NEGR1: variants seen among roughly 807,000 people sequenced by gnomAD.
NEGR1 encodes neuronal growth regulator 1.
In NEGR1, 10 loss-of-function variants were observed where a neutral mutation model predicts 40.9. The ratio of observed to expected loss-of-function variants is 0.24; its 90% CI spans 0.15 to 0.42. The LOEUF (loss-of-function observed/expected upper bound fraction) is 0.42. Among genes scored for constraint, NEGR1 ranks in the 10% least tolerant of loss-of-function variants. The probability of loss-of-function intolerance (pLI) is 1.00; values close to 1 mark genes in which losing one functional copy is unlikely to be tolerated. For missense variants in NEGR1, 352 were observed against 438.9 expected (o/e 0.80, Z 1.77); for synonymous variants, 185 against 166.8 (o/e 1.11, Z -0.84).
intron 1 of NEGR1, among the ~76,000 whole-genome samples, chr1:72,149,879 C>CAA (rs1180110033): frequency 0.18 from 7,247 of 39,182 alleles, 465 homozygotes; most frequent in Non-Finnish European, 0.27. Context: ...AAAACTCTGT[C>CAA]AAAAAAAAAA....
chr1:71,760,075 C>T (rs1223171337), intron 3 of NEGR1, among the ~76,000 whole-genome samples: 2 of 152,102 alleles, frequency 1.3e-5, no homozygotes, highest in Non-Finnish European at 2.9e-5. Flanking sequence ...ATCTGCTCCC[C>T]AGATTCAGTG....
intron 6 of NEGR1, among the ~76,000 whole-genome samples, chr1:71,485,276 G>A (rs1423305075): frequency 6.6e-6 from 1 of 150,946 alleles, no homozygotes; most frequent in African/African-American, 2.4e-5. Context: ...TTCAAAAATA[G>A]ACTTTACTTT....
rs984674983 is a variant in NEGR1 at position 71,396,654 on chromosome 1, C to G, written c.*10792G>C. On this transcript the variant is annotated 3_prime_UTR_variant, in exon 7 of 7. Coordinates refer to ENST00000357731, the MANE Select transcript of NEGR1 (RefSeq NM_173808.3). ...ATTGAACCATGGGGGCAGGTCTTTCCCATGCTGTTCTCATGACAGTGAGTA... is the reference window on the plus strand; with the variant it reads ...ATTGAACCATGGGGGCAGGTCTTTCGCATGCTGTTCTCATGACAGTGAGTA... 5 of 152,276 alleles carry G rather than the reference C, an allele frequency of 3.3e-5. No homozygotes were observed. The highest frequency in any genetic ancestry group is 5.9e-5 in the Non-Finnish European group (4 of 68,058). The allele number at this position is 152,276 out of a possible 1,614,324, so 9.4% of individuals were successfully genotyped here. A position where few individuals can be genotyped will look rare whatever the true frequency, so the allele number is the denominator to read the frequency against.
At chr1:71,732,753 T>C (rs958209608) in intron 3 of NEGR1, among the ~76,000 whole-genome samples, 1 of 152,214 alleles carries the variant, frequency 6.6e-6, no homozygotes, top group Non-Finnish European at 1.5e-5. Flanking sequence ...TTTCTCTTTA[T>C]GCTATTGTAC....
chr1:72,058,618 A>G (rs1647134450), intron 1 of NEGR1, among the ~76,000 whole-genome samples: 1 of 151,678 alleles, frequency 6.6e-6, no homozygotes, highest in Non-Finnish European at 1.5e-5. Flanking sequence ...TATCTTGATG[A>G]GCTAGGCATC....
intron 1 of NEGR1, among the ~76,000 whole-genome samples, chr1:72,026,441 T>C (rs1435543791): frequency 2.6e-5 from 4 of 151,762 alleles, no homozygotes; most frequent in Non-Finnish European, 5.9e-5. Context: ...CTAGCTGACG[T>C]CAAAGTTGAA....
chr1:71,757,672 C>T (rs1655789608), intron 3 of NEGR1, among the ~76,000 whole-genome samples: 1 of 152,026 alleles, frequency 6.6e-6, no homozygotes, highest in South Asian at 2.1e-4. Context: ...TCTCATCACC[C>T]AGAGTTTATG....
chr1:71,451,393 G>A (rs561968150), intron 6 of NEGR1, among the ~76,000 whole-genome samples: 13 of 150,320 alleles, frequency 8.6e-5, no homozygotes, highest in Admixed American at 6.6e-4. Flanking sequence ...GAGTGTAGTG[G>A]CACAATCTCG....
intron 2 of NEGR1, among the ~76,000 whole-genome samples, chr1:71,784,723 T>G (rs546621969): frequency 6.6e-6 from 1 of 152,332 alleles, no homozygotes; most frequent in Admixed American, 6.5e-5. Flanking sequence ...GCATGGATTA[T>G]GCAAAGGCAT....
chr1:71,951,900 T>G (rs1286349229), intron 1 of NEGR1, among the ~76,000 whole-genome samples: 1 of 151,962 alleles, frequency 6.6e-6, no homozygotes, highest in African/African-American at 2.4e-5. Context: ...ATCAGTTATC[T>G]TTGATGTTAC....
rs1217526541 is a variant in NEGR1, at chr1:71,568,840, G to A, written c.940+23977C>T. On this transcript the variant is annotated intron_variant, in intron 6 of 6. Transcript: ENST00000357731. ...TGTATATATGTATACGTGTGTGTGTGTGTGTGTGTGTGTGTGTGTGTGTGT... is the reference window on the plus strand; with the variant it reads ...TGTATATATGTATACGTGTGTGTGTATGTGTGTGTGTGTGTGTGTGTGTGT... Among the ~76,000 whole-genome samples, 690 of 150,650 alleles carry A rather than the reference G, an allele frequency of 4.6e-3. 11 individuals carry two copies. Among genetic ancestry groups the A allele is most frequent in the African/African-American group, 0.015 (630 of 41,016 alleles).
intron 1 of NEGR1, among the ~76,000 whole-genome samples, chr1:72,096,984 A>G (rs960968563): frequency 2.7e-4 from 41 of 152,044 alleles, no homozygotes; most frequent in African/African-American, 9.9e-4. Flanking sequence ...ACCCAGCTGT[A>G]GTTATATCTT....
At chr1:72,268,094 G>A (rs1288227469) in intron 1 of NEGR1, among the ~76,000 whole-genome samples, 2 of 151,274 alleles carry the variant, frequency 1.3e-5, no homozygotes, top group African/African-American at 2.4e-5. Context: ...ATTTAAAAGA[G>A]GTGAACCTGA....
chr1:71,656,970 T>C (rs764019132), intron 4 of NEGR1, among the ~76,000 whole-genome samples: 7 of 152,162 alleles, frequency 4.6e-5, no homozygotes, highest in African/African-American at 7.2e-5. Context: ...TATTGCAGCA[T>C]GGATATCTAA....
chr1:71,461,392 C>T lies in NEGR1; in HGVS notation c.941-53822G>A, dbSNP rs559758914. 6.6e-5 allele frequency among the ~76,000 whole-genome samples: 10 copies of T among 152,242 alleles called. No homozygotes were observed. In the South Asian group the frequency reaches 1.9e-3, roughly 28 times the overall value. On this transcript the variant is annotated intron_variant, in intron 6 of 6. Coordinates refer to ENST00000357731, the MANE Select transcript of NEGR1 (RefSeq NM_173808.3). Reference sequence around the variant, plus strand: ...GCTAAATTAACACCCTGAATTTGGTCATGATTGCCAAATTTGAAGGTCTTA... The same window carrying T: ...GCTAAATTAACACCCTGAATTTGGTTATGATTGCCAAATTTGAAGGTCTTA...
intron 2 of NEGR1, among the ~76,000 whole-genome samples, chr1:71,837,623 C>T (rs1659086378): frequency 6.6e-6 from 1 of 152,078 alleles, no homozygotes; most frequent in African/African-American, 2.4e-5. Flanking sequence ...ACATAGCACT[C>T]TATCTACCCT....
At chr1:71,734,222 A>G (rs565261938) in intron 3 of NEGR1, among the ~76,000 whole-genome samples, 2 of 152,312 alleles carry the variant, frequency 1.3e-5, no homozygotes, top group Admixed American at 6.5e-5. Context: ...CTGCACAAGT[A>G]AGACCCGCAG....
At chr1:71,755,179 T>C (rs2101692188) in intron 3 of NEGR1, among the ~76,000 whole-genome samples, 1 of 152,232 alleles carries the variant, frequency 6.6e-6, no homozygotes, top group Middle Eastern at 3.4e-3. Context: ...TTTTCCACAT[T>C]GATGAAGCCA....
chr1:71,779,531 G>T (rs1656624793), intron 2 of NEGR1, among the ~76,000 whole-genome samples: 1 of 151,596 alleles, frequency 6.6e-6, no homozygotes, highest in Non-Finnish European at 1.5e-5. Context: ...TACGCACAAG[G>T]TTATTGAGTG....
Sources: gnomAD v4.1 joint callset for allele counts (sites outside exome capture counted in the v4.1 genomes callset) on GRCh38, gnomAD v4.1.1 for gene constraint, MANE v1.5 for transcripts, NCBI Gene and HGNC (gene_info 2026-07-23, HGNC 2026-07-21) for gene names.